CFAP69: variants seen among roughly 807,000 people sequenced by gnomAD.
CFAP69 encodes cilia and flagella associated protein 69, also known as cilia- and flagella-associated protein 69.
In CFAP69, 92 loss-of-function variants were observed where a neutral mutation model predicts 123.0. That is an observed-to-expected ratio of 0.75 (90% CI 0.63 to 0.89). CFAP69 has a LOEUF of 0.89. CFAP69 is among the 40% of genes least tolerant of loss of function. CFAP69 has a pLI of 0.00. For missense variants in CFAP69, 1,067 were observed against 1,096.9 expected, an observed-to-expected ratio of 0.97 and a Z score of 0.39; for synonymous variants, 380 against 364.3, an observed-to-expected ratio of 1.04 and a Z score of -0.49.
At chr7:90,320,411 G>A in the CFAP69 span, 1 of 152,248 alleles carries the variant, frequency 6.6e-6, no homozygotes, top group African/African-American at 2.4e-5. Flanking sequence ...CGAAAACAAA[G>A]GTGATATAAG....
In CFAP69 at chr7:90,265,379, T is replaced by G; in HGVS notation, c.433+2T>G. On this transcript the variant is annotated splice_donor_variant, in intron 5 of 22. Transcript: ENST00000389297. LOFTEE classifies it high-confidence loss of function. The stretch of plus-strand genomic sequence containing the variant: ...CTGCTAATTCAATTGCACTTCTGGG[T>G]AAGTTAAGATTTCCTTAAGGTATAG... The G allele has an allele frequency of 6.3e-7, 1 of 1,597,154 alleles. No homozygotes were observed. Among genetic ancestry groups the G allele is most frequent in the Non-Finnish European group, 8.6e-7 (1 of 1,165,746 alleles).
At chr7:90,309,439 T>C (rs1435790906) in intron 22 of CFAP69, 72 bp downstream of exon 22, 2 of 785,580 alleles carry the variant, frequency 2.5e-6, no homozygotes, top group East Asian at 2.8e-5. Context: ...TGTGCAAATA[T>C]ACTGAAAACC....
intron 1 of CFAP69, among the ~76,000 whole-genome samples, chr7:90,246,770 G>C (rs1422944688): frequency 6.6e-6 from 1 of 151,204 alleles, no homozygotes; most frequent in African/African-American, 2.4e-5. Flanking sequence ...TCCTTTACTT[G>C]CTCCAAGAAA....
At chr7:90,272,428 C>T (rs1014882941) in intron 8 of CFAP69, among the ~76,000 whole-genome samples, 4 of 151,992 alleles carry the variant, frequency 2.6e-5, no homozygotes, top group East Asian at 1.9e-4. Context: ...TCTCTGCTTT[C>T]GTGGAATTTA....
At position 90,307,871 on chromosome 7, in the gene CFAP69, A is replaced by G. The variant is rs1416190788; in HGVS notation, c.2550+17A>G. The G allele has an allele frequency of 6.6e-7, 1 of 1,517,164 alleles. No homozygotes were observed. The highest frequency in any genetic ancestry group is 2.3e-5 in the East Asian group (1 of 44,194). 94.0% of individuals were successfully genotyped at this position (1,517,164 alleles called of 1,614,324 possible). ...ACGTTAAAGGTAGGATTTTTAATGT[A>G]TTATAGTATCCACAACAAATAGCCA... On this transcript the variant is annotated intron_variant, in intron 21 of 22. Transcript: ENST00000389297.
chr7:90,296,986 T>G (rs923486289), intron 15 of CFAP69, among the ~76,000 whole-genome samples: 3 of 152,178 alleles, frequency 2.0e-5, no homozygotes, highest in Non-Finnish European at 4.4e-5. Flanking sequence ...AAATCTCTCC[T>G]GGATCTGGAA....
chr7:90,257,921 T>C (rs1797842034), intron 2 of CFAP69, among the ~76,000 whole-genome samples, 177 bp from the exon 3 acceptor site: 1 of 152,204 alleles, frequency 6.6e-6, no homozygotes, highest in Admixed American at 6.5e-5. Flanking sequence ...ACAGTCGTTC[T>C]GATAGTTTAT....
chr7:90,284,642 CA>C (rs1349810329), intron 13 of CFAP69, among the ~76,000 whole-genome samples: 2 of 152,082 alleles, frequency 1.3e-5, no homozygotes, highest in Non-Finnish European at 2.9e-5. Context: ...GGGTAGTTTT[CA>C]AGGCTAGGAA....
chr7:90,279,756 C>T lies in CFAP69; in HGVS notation c.1235C>T (p.Ser412Phe). 7 of 1,613,300 alleles carry T rather than the reference C, an allele frequency of 4.3e-6. No homozygotes were observed. The highest frequency in any genetic ancestry group is 5.9e-6 in the Non-Finnish European group (7 of 1,179,854). Residue 412 changes from serine (S) to phenylalanine (F), a missense_variant, in exon 12 of 23, where the codon TCT (serine) becomes TTT (phenylalanine). Transcript: ENST00000389297. ...KPEKQKIIDW[S>F]AAQHEELQLH... ...GAGAAGCAAAAAATAATTGACTGGT[C>T]TGCAGCACAGCATGAAGAATTACAA...
intron 19 of CFAP69, among the ~76,000 whole-genome samples, chr7:90,305,297 C>T (rs540155853): frequency 9.4e-5 from 14 of 148,542 alleles, no homozygotes; most frequent in South Asian, 6.5e-4. Flanking sequence ...GCCAAGATTG[C>T]GCCACTGCAC....
chr7:90,253,911 C>A (rs1797325996), intron 1 of CFAP69, among the ~76,000 whole-genome samples: 1 of 152,132 alleles, frequency 6.6e-6, no homozygotes, highest in South Asian at 2.1e-4. Context: ...AACCTGTGCC[C>A]AGACTAGTGT....
chr7:90,270,386 G>A (rs1167097264), intron 6 of CFAP69, among the ~76,000 whole-genome samples: 1 of 152,118 alleles, frequency 6.6e-6, no homozygotes, highest in Non-Finnish European at 1.5e-5. Flanking sequence ...AGTGAGTACA[G>A]TAGAATATAA....
chr7:90,260,472 G>C (rs957010224), intron 3 of CFAP69, among the ~76,000 whole-genome samples: 1 of 152,106 alleles, frequency 6.6e-6, no homozygotes, highest in African/African-American at 2.4e-5. Flanking sequence ...GCTGCAGTGA[G>C]CTATGTTTGT....
At chr7:90,277,644 C>G (rs1308976731) in intron 11 of CFAP69, among the ~76,000 whole-genome samples, 2 of 152,242 alleles carry the variant, frequency 1.3e-5, no homozygotes, top group South Asian at 4.2e-4. Context: ...CCATTCCAGC[C>G]TAATAATCTG....
intron 11 of CFAP69, among the ~76,000 whole-genome samples, 161 bp from the exon 12 acceptor site, chr7:90,279,516 G>A (rs918111731): frequency 6.7e-6 from 1 of 149,120 alleles, no homozygotes. Flanking sequence ...TTTAATTTTT[G>A]GTGTTTTTTT....
At chr7:90,295,693 T>C (rs893824606) in intron 15 of CFAP69, among the ~76,000 whole-genome samples, 5 of 152,104 alleles carry the variant, frequency 3.3e-5, no homozygotes, top group Non-Finnish European at 7.3e-5. Flanking sequence ...GTCCACAGAG[T>C]AAAGTGAAAG....
At chr7:90,258,008 T>G (rs1313104640) in intron 2 of CFAP69, 90 bp from the exon 3 acceptor site, 2 of 792,350 alleles carry the variant, frequency 2.5e-6, no homozygotes, top group Non-Finnish European at 4.1e-6. Context: ...ACTTGATAAT[T>G]TTAAAGTGTC....
rs11340254 is a variant in CFAP69 at position 90,305,943 on chromosome 7, C to CTT, written c.2266-942_2266-941dup. Among the ~76,000 whole-genome samples, 1,065 of 129,578 alleles carry CTT rather than the reference C, an allele frequency of 8.2e-3. 11 individuals carry two copies. The highest frequency in any genetic ancestry group is 0.027 in the African/African-American group (956 of 35,100). The allele number at this position is 129,578 out of a possible 152,430, so 85.0% of individuals were successfully genotyped here. A position where few individuals can be genotyped will look rare whatever the true frequency, so the allele number is the denominator to read the frequency against. Reference sequence around the variant, plus strand: ...AAACCTCTATTTTCTTTCTTTCCTTCTTTTTTTTTTTTTTTTTGAGGCAGA... The same window carrying CTT: ...AAACCTCTATTTTCTTTCTTTCCTTCTTTTTTTTTTTTTTTTTTTGAGGCAGA... On this transcript the variant is annotated intron_variant, in intron 19 of 22. Coordinates refer to ENST00000389297, the MANE Select transcript of CFAP69 (RefSeq NM_001039706.3).
chr7:90,258,415 C>T (rs1395739326), intron 3 of CFAP69, among the ~76,000 whole-genome samples: 1 of 152,022 alleles, frequency 6.6e-6, no homozygotes, highest in African/African-American at 2.4e-5. Context: ...CCTTGCCTTC[C>T]CCAGCTTCTG....
Sources: gnomAD v4.1 joint callset for allele counts (sites outside exome capture counted in the v4.1 genomes callset) on GRCh38, gnomAD v4.1.1 for gene constraint, MANE v1.5 for transcripts, NCBI Gene and HGNC (gene_info 2026-07-23, HGNC 2026-07-21) for gene names.